The following NOTCH1 variants were observed in gnomAD, a reference collection of about 807,000 sequenced individuals.
NOTCH1 encodes the protein notch receptor 1.
In NOTCH1, 37 loss-of-function variants were observed where a neutral mutation model predicts 254.8. That is an observed-to-expected ratio of 0.15 (90% CI 0.11 to 0.19). The LOEUF is 0.19. Among genes scored for constraint, NOTCH1 ranks in the 10% least tolerant of loss-of-function variants. NOTCH1 has a pLI of 1.00. For synonymous variants in NOTCH1, 1,731 were observed against 1,618.1 expected, an observed-to-expected ratio of 1.07 and a Z score of -1.68; for missense variants, 2,972 against 3,708.6, an observed-to-expected ratio of 0.80 and a Z score of 5.16.
chr9:136,541,097 C>A (rs1843726310), intron 2 of NOTCH1, among the ~76,000 whole-genome samples: 1 of 152,152 alleles, frequency 6.6e-6, no homozygotes, highest in Non-Finnish European at 1.5e-5. Context: ...CAGAAGGCCA[C>A]CATCTCCGAC....
intron 2 of NOTCH1, among the ~76,000 whole-genome samples, chr9:136,538,774 G>A (rs1430607155): frequency 6.6e-6 from 1 of 152,234 alleles, no homozygotes; most frequent in African/African-American, 2.4e-5. Flanking sequence ...GAGGGTGGGC[G>A]GCCGTCTGCC....
At chr9:136,532,153 G>A (rs1380220941) in intron 2 of NOTCH1, among the ~76,000 whole-genome samples, 1 of 152,194 alleles carries the variant, frequency 6.6e-6, no homozygotes, top group African/African-American at 2.4e-5. Context: ...GGCACCTGGG[G>A]GAGGGGCCTG....
intron 26 of NOTCH1, among the ~76,000 whole-genome samples, chr9:136,504,100 A>G (rs1467714299): frequency 2.0e-5 from 3 of 151,590 alleles, no homozygotes; most frequent in Non-Finnish European, 4.4e-5. Context: ...AGCCCAAGCC[A>G]GGCAGACGCC....
Position 136,502,060 on chromosome 9 carries a change from G to C in NOTCH1, c.5413C>G (p.Leu1805Val), listed in dbSNP as rs775497405. The C allele has an allele frequency of 6.8e-6, 11 of 1,613,350 alleles. No homozygotes were observed. Among genetic ancestry groups the C allele is most frequent in the Non-Finnish European group, 8.5e-6 (10 of 1,179,966 alleles). ...CACTCATTCTGGTTGTCGTCCATGA[G>C]GGCACCGTCTGAAGCGTTCTTCAGG... is the stretch of plus-strand genomic sequence containing the variant. Reference protein sequence around the residue: ...KPLKNASDGALMDDNQNEWGD... With the variant: ...KPLKNASDGAVMDDNQNEWGD... Residue 1805 changes from leucine to valine, a missense_variant, in exon 29 of 34, where the codon CTC becomes GTC. Physicochemically the swap from Leu to Val is conservative, Grantham distance 32. Coordinates refer to ENST00000651671, the MANE Select transcript of NOTCH1 (RefSeq NM_017617.5).
At chr9:136,514,779 T>A in intron 12 of NOTCH1, 77 bp from the exon 13 acceptor site, 1 of 1,440,510 alleles carries the variant, frequency 6.9e-7, no homozygotes, top group Non-Finnish European at 9.6e-7. Flanking sequence ...TTTCCCTGTC[T>A]GTTGAGCCGG....
At position 136,523,934 on chromosome 9, in the gene NOTCH1, C is replaced by G. The variant is rs374320445; in HGVS notation, c.186G>C (p.Pro62=). ...FVGPRCQDPN[P]CLSTPCKNAG... The stretch of plus-strand genomic sequence containing the variant: ...CGTTCTTGCAGGGGGTGCTGAGGCA[C>G]GGGTTGGGGTCCTGGCATCGCGGGC... The change falls in exon 3 of 34, where the codon CCG becomes CCC. Residue 62 remains proline, a synonymous_variant. Transcript: ENST00000651671. The G allele has an allele frequency of 3.8e-4, 604 of 1,587,204 alleles. 2 individuals carry two copies. The Middle Eastern group carries it at 6.0e-3, about 16-fold the overall frequency.
At position 136,522,997 on chromosome 9, in the gene NOTCH1, C is replaced by A; in HGVS notation, c.595G>T (p.Val199Phe). ...CGGCAGACGCAGCGGTAGGAGCCGA[C>A]CTCGTTGTGGCAGGTGCCTCCGTGG... ...CRHGGTCHNEVGSYRCVCRAT... is the reference protein window; with the variant it reads ...CRHGGTCHNEFGSYRCVCRAT... Residue 199 changes from valine to phenylalanine, a missense_variant, in exon 4 of 34, where the codon GTC (valine) becomes TTC (phenylalanine). By Grantham distance (50) the Val-to-Phe change is conservative (BLOSUM62 -1). Around this residue, in one of 8 missense-constraint regions of NOTCH1, gnomAD observed 374 missense variants for 496.3 expected, o/e 0.75. Coordinates refer to ENST00000651671, the MANE Select transcript of NOTCH1 (RefSeq NM_017617.5). 2 of 1,560,714 alleles carry A rather than the reference C, an allele frequency of 1.3e-6. No homozygotes were observed. Among genetic ancestry groups the A allele is most frequent in the Non-Finnish European group, 1.7e-6 (2 of 1,153,096 alleles).
Position 136,517,301 on chromosome 9 carries a change from A to C in NOTCH1, c.1526T>G (p.Ile509Ser), listed in dbSNP as rs770005789. 1 of 1,608,698 alleles carries C rather than the reference A, an allele frequency of 6.2e-7. No homozygotes were observed. Among genetic ancestry groups the C allele is most frequent in the Non-Finnish European group, 8.5e-7 (1 of 1,178,128 alleles). ...CLHNGRCLDK[I>S]NEFQCECPTG... ...GGGGCACTCGCACTGGAACTCATTG[A>C]TCTTGTCCAGGCAGCGGCCATTGTG... Residue 509 changes from isoleucine to serine, a missense_variant, in exon 9 of 34, where the codon ATC (isoleucine) becomes AGC (serine). By Grantham distance (142) the Ile-to-Ser change is moderately radical. Around this residue, in one of 8 missense-constraint regions of NOTCH1, gnomAD observed 128 missense variants for 193.8 expected, o/e 0.66. Coordinates refer to ENST00000651671, the MANE Select transcript of NOTCH1 (RefSeq NM_017617.5).
In NOTCH1 at chr9:136,497,360, C is replaced by T; in HGVS notation, c.6379G>A (p.Ala2127Thr). ...AGGGTGGGCGTGCCCCCCAGCGGGG[C>T]TCCGTGCAGCTGCGGGCTGCGCACC... Reference protein sequence around the residue: ...NLVRSPQLHGAPLGGTPTLSP... With the variant: ...NLVRSPQLHGTPLGGTPTLSP... Residue 2127 changes from alanine (A) to threonine (T), a missense_variant, in exon 34 of 34, where the codon GCC becomes ACC. Physicochemically the swap from Ala to Thr is moderately conservative, Grantham distance 58. Coordinates refer to ENST00000651671, the MANE Select transcript of NOTCH1 (RefSeq NM_017617.5). 1.2e-6 allele frequency: 2 copies of T among 1,607,096 alleles called. No individual in the cohort carries two copies. The highest frequency in any genetic ancestry group is 1.7e-6 in the Non-Finnish European group (2 of 1,179,224).
rs1027889615 is a variant in NOTCH1 at position 136,502,801 on chromosome 9, AT to A, written c.5168-314del. The A allele has an allele frequency of 1.4e-5, 8 of 564,738 alleles. No homozygotes were observed. In the African/African-American group the frequency reaches 1.5e-4, roughly 11 times the overall value. The allele number at this position is 564,738 out of a possible 1,614,324, so 35.0% of individuals were successfully genotyped here. ...CTGTTAAGACAAAGGATTTAGAGGG[AT>A]TTTCAAGATACAAACTTCAACACTT... On this transcript the variant is annotated intron_variant, in intron 27 of 33. Coordinates refer to ENST00000651671, the MANE Select transcript of NOTCH1 (RefSeq NM_017617.5).
chr9:136,512,640 A>G (rs962966783), intron 15 of NOTCH1, among the ~76,000 whole-genome samples: 51 of 152,250 alleles, frequency 3.3e-4, no homozygotes, highest in East Asian at 7.7e-4. Flanking sequence ...CGCCGGGAGC[A>G]CGGAGCCCAG....
At position 136,494,629 on chromosome 9, in the gene NOTCH1, C is replaced by T. The variant is rs575981522; in HGVS notation, c.*1442G>A. ...GTCATGCCCCCTGGGGATGGCACCACGCGGCCCCCGTAGAGCCGGGGGAGG... is the reference window on the plus strand; with the variant it reads ...GTCATGCCCCCTGGGGATGGCACCATGCGGCCCCCGTAGAGCCGGGGGAGG... On this transcript the variant is annotated 3_prime_UTR_variant, in exon 34 of 34. Coordinates refer to ENST00000651671, the MANE Select transcript of NOTCH1 (RefSeq NM_017617.5). 1.8e-5 allele frequency: 7 copies of T among 398,884 alleles called. No homozygotes were observed. Among genetic ancestry groups the T allele is most frequent in the Admixed American group, 8.8e-5 (2 of 22,742 alleles). The allele number at this position is 398,884 out of a possible 1,614,324, so 24.7% of individuals were successfully genotyped here. A position where few individuals can be genotyped will look rare whatever the true frequency, so the allele number is the denominator to read the frequency against.
chr9:136,505,439 G>C lies in NOTCH1; in HGVS notation c.4457C>G (p.Pro1486Arg), dbSNP rs2133339061. The part of the protein sequence containing the change: ...GGDCSLNFND[P>R]WKNCTQSLQC... ...CAGAGACTGCGTGCAGTTCTTCCAG[G>C]GGTCATTGAAGTTGAGGGAGCAGTC... is the stretch of plus-strand genomic sequence containing the variant. Residue 1486 changes from proline (P) to arginine (R), a missense_variant, in exon 25 of 34, where the codon CCC becomes CGC. Coordinates refer to ENST00000651671, the MANE Select transcript of NOTCH1 (RefSeq NM_017617.5). 6.2e-7 allele frequency: 1 copy of C among 1,612,916 alleles called. No individual in the cohort carries two copies. The highest frequency in any genetic ancestry group is 2.2e-5 in the East Asian group (1 of 44,890).
At chr9:136,522,412 G>A (rs1434775469) in intron 4 of NOTCH1, among the ~76,000 whole-genome samples, 1 of 152,162 alleles carries the variant, frequency 6.6e-6, no homozygotes, top group Non-Finnish European at 1.5e-5. Context: ...AGGCGGCTGC[G>A]CCTACCTGTC....
intron 21 of NOTCH1, among the ~76,000 whole-genome samples, 192 bp from the exon 22 acceptor site, chr9:136,507,629 G>T (rs1372255750): frequency 6.6e-6 from 1 of 152,240 alleles, no homozygotes; most frequent in East Asian, 1.9e-4. Context: ...TCGGTGACCG[G>T]AGTCACTGCC....
chr9:136,512,470 C>T (rs981072712), intron 15 of NOTCH1, among the ~76,000 whole-genome samples: 1 of 152,204 alleles, frequency 6.6e-6, no homozygotes, highest in Non-Finnish European at 1.5e-5. Flanking sequence ...GGGTTCATAG[C>T]AGGGGCTGGA....
Position 136,508,897 on chromosome 9 carries a change from G to C in NOTCH1, c.3144C>G (p.Pro1048=). 2 of 1,548,240 alleles carry C rather than the reference G, an allele frequency of 1.3e-6. No homozygotes were observed. The highest frequency in any genetic ancestry group is 2.0e-5 in the Admixed American group (1 of 51,026). The change falls in exon 19 of 34, where the codon CCC becomes CCG. Residue 1048 remains proline, a synonymous_variant. Coordinates refer to ENST00000651671, the MANE Select transcript of NOTCH1 (RefSeq NM_017617.5). ...GGCAGTTGGGGCCAGTGTAGCCCTG[G>C]GGGCAGGTGCACCTGTAGGAGCCGC... The part of the protein sequence containing the change: ...DGCGSYRCTC[P]QGYTGPNCQN...
In NOTCH1 at chr9:136,519,565, C is replaced by T; in HGVS notation, c.743G>A (p.Gly248Asp). 1 of 1,612,788 alleles carries T rather than the reference C, an allele frequency of 6.2e-7. No homozygotes were observed. Among genetic ancestry groups the T allele is most frequent in the African/African-American group, 1.3e-5 (1 of 75,068 alleles). Residue 248 changes from glycine (G) to aspartate (D), a missense_variant and splice_region_variant, in exon 5 of 34, where the codon GGC (glycine) becomes GAC (aspartate). Transcript: ENST00000651671. ...DVTHECACLP[G>D]FTGQNCEENI... is the part of the protein sequence containing the mutation. ...TTCCTCACAGTTCTGGCCGGTGAAGCCTGCCGCAAGAGGGGCCGGGTCAGC... is the reference window on the plus strand; with the variant it reads ...TTCCTCACAGTTCTGGCCGGTGAAGTCTGCCGCAAGAGGGGCCGGGTCAGC...
Position 136,523,737 on chromosome 9 carries a change from C to T in NOTCH1, c.383G>A (p.Arg128His), listed in dbSNP as rs754086897. Residue 128 changes from arginine to histidine, a missense_variant, in exon 3 of 34, where the codon CGC becomes CAC. By Grantham distance (29) the Arg-to-His change is conservative. This residue lies in a region of NOTCH1 where 374 missense variants were observed against 496.3 expected (regional missense o/e 0.75). Transcript: ENST00000651671. ...CTCACCTGACCAGCCGGGCGGGCAG[C>T]GGCACTTGTACTCCGTCAGCGTGAG... ...DLLTLTEYKC[R>H]CPPGWSGKSC... 4.0e-5 allele frequency: 65 copies of T among 1,609,062 alleles called. No homozygotes were observed. The African/African-American group carries it at 6.7e-4, about 17-fold the overall frequency.
Sources: allele counts gnomAD v4.1 joint callset (sites outside exome capture counted in the v4.1 genomes callset), GRCh38; gene constraint gnomAD v4.1.1; regional missense constraint gnomAD v4.1.1; transcripts MANE v1.5; gene names NCBI Gene and HGNC (gene_info 2026-07-23, HGNC 2026-07-21).